Variants in ZNF451 observed in about 807,000 individuals in gnomAD.
ZNF451 encodes the protein zinc finger protein 451.
In ZNF451, 80 loss-of-function variants were observed where a neutral mutation model predicts 107.1. The ratio of observed to expected loss-of-function variants is 0.75; its 90% confidence interval spans 0.62 to 0.90. The LOEUF (loss-of-function observed/expected upper bound fraction) is 0.90, where lower values mean the gene tolerates loss of function less well. Ranked by LOEUF, ZNF451 falls within the 40% of genes least tolerant of loss-of-function variation. The pLI is 0.00. For missense variants in ZNF451, 1,107 were observed against 1,236.2 expected, an observed-to-expected ratio of 0.90 and a Z score of 1.57; for synonymous variants, 362 against 406.5, an observed-to-expected ratio of 0.89 and a Z score of 1.32.
At chr6:57,128,146 T>C (rs1181481530) in intron 4 of ZNF451, among the ~76,000 whole-genome samples, 1 of 152,214 alleles carries the variant, frequency 6.6e-6, no homozygotes, top group Non-Finnish European at 1.5e-5. Flanking sequence ...GTTATGTTAT[T>C]AATATTACTC....
intron 3 of ZNF451, chr6:57,102,396 C>T (rs1018650020): frequency 1.9e-6 from 2 of 1,058,720 alleles, no homozygotes; most frequent in African/African-American, 3.3e-5. Flanking sequence ...TCTGAATCCT[C>T]TTGTGATTAA....
At chr6:57,105,550 T>C (rs1319317075) in intron 3 of ZNF451, 2 of 985,342 alleles carry the variant, frequency 2.0e-6, no homozygotes, top group Non-Finnish European at 2.4e-6. Context: ...ATTTGTTTTC[T>C]TTATAGCACT....
intron 3 of ZNF451, chr6:57,108,904 C>A (rs181966711): frequency 3.0e-6 from 3 of 985,406 alleles, no homozygotes; most frequent in Admixed American, 6.1e-5. Context: ...TGGAACTGAG[C>A]TTTAAATATG....
At chr6:57,131,050 G>C (rs1831155771) in intron 5 of ZNF451, among the ~76,000 whole-genome samples, 1 of 152,098 alleles carries the variant, frequency 6.6e-6, no homozygotes, top group African/African-American at 2.4e-5. Flanking sequence ...GAATAGAGAG[G>C]AATCACAGTT....
intron 2 of ZNF451, among the ~76,000 whole-genome samples, chr6:57,091,932 T>G (rs949407727): frequency 7.2e-5 from 11 of 152,332 alleles, no homozygotes; most frequent in Non-Finnish European, 1.3e-4. Flanking sequence ...CACAAGATTG[T>G]TTTATTGAAT....
At chr6:57,140,655 A>G (rs1831708028) in intron 7 of ZNF451, among the ~76,000 whole-genome samples, 1 of 152,126 alleles carries the variant, frequency 6.6e-6, no homozygotes, top group Admixed American at 6.5e-5. Flanking sequence ...AGTGGGAAAA[A>G]AAAACCCAAA....
intron 3 of ZNF451, chr6:57,107,948 C>A: frequency 1.9e-6 from 1 of 539,288 alleles, no homozygotes; most frequent in Non-Finnish European, 2.4e-6. Context: ...ACGCCATTCT[C>A]CTGCCTAAGC....
chr6:57,155,178 CAAAAAACA>C lies in ZNF451; in HGVS notation c.3070+1146_3070+1153del, dbSNP rs564591961. 4.0e-3 allele frequency among the ~76,000 whole-genome samples: 600 copies of C among 151,476 alleles called. 6 individuals are homozygous for C. The highest frequency in any genetic ancestry group is 0.013 in the African/African-American group (546 of 41,320). ...TCTGTGGCTTTCTTTTTTCTTAAAACAAAAAACAAAAAAACAAAAAAAACAGGCTGGGT... is the reference window on the plus strand; with the variant it reads ...TCTGTGGCTTTCTTTTTTCTTAAAACAAAAAACAAAAAAAACAGGCTGGGT... On this transcript the variant is annotated intron_variant, in intron 13 of 14. Transcript: ENST00000370706.
chr6:57,101,150 A>T, intron 3 of ZNF451: 1 of 1,550,762 alleles, frequency 6.4e-7, no homozygotes, highest in Non-Finnish European at 8.7e-7. Context: ...CCATCAGCTG[A>T]TGACAAAGGG....
intron 3 of ZNF451, chr6:57,109,783 G>T: frequency 1.2e-6 from 1 of 856,586 alleles, no homozygotes; most frequent in Non-Finnish European, 1.4e-6. Flanking sequence ...TGTAGAATGA[G>T]GAGTTAGAGT....
intron 2 of ZNF451, among the ~76,000 whole-genome samples, chr6:57,095,969 G>A (rs1298601351): frequency 3.3e-5 from 5 of 151,506 alleles, no homozygotes; most frequent in African/African-American, 1.2e-4. Context: ...GATTACAGAT[G>A]TACACCACCA....
In ZNF451 at chr6:57,148,538, C is replaced by A; in HGVS notation, c.2453C>A (p.Pro818His). Residue 818 changes from proline to histidine, a missense_variant, in exon 10 of 15, where the codon CCC becomes CAC. Pro to His is a moderately conservative substitution (Grantham distance 77). Transcript: ENST00000370706. ...AGAAAACATTGCTTCTTACAGAAAC[C>A]CAGTGTGGCTCATTTTGGATCTGAA... The part of the protein sequence containing the change: ...FHRKHCFLQK[P>H]SVAHFGSEKS... 1 of 1,614,080 alleles carries A rather than the reference C, an allele frequency of 6.2e-7. No homozygotes were observed. The highest frequency in any genetic ancestry group is 1.3e-5 in the African/African-American group (1 of 75,022).
At chr6:57,103,120 C>T (rs1829685474) in intron 3 of ZNF451, 2 of 985,262 alleles carry the variant, frequency 2.0e-6, no homozygotes, top group Non-Finnish European at 2.4e-6. Flanking sequence ...GTTACACGAT[C>T]CAGGCATGCA....
At chr6:57,105,905 C>T (rs1364454646) in intron 3 of ZNF451, 2 of 984,154 alleles carry the variant, frequency 2.0e-6, no homozygotes, top group South Asian at 4.7e-5. Context: ...TTTTTTAAAC[C>T]GTGTGGCAGC....
intron 3 of ZNF451, among the ~76,000 whole-genome samples, chr6:57,119,023 G>C (rs1311806961): frequency 6.6e-6 from 1 of 152,084 alleles, no homozygotes; most frequent in African/African-American, 2.4e-5. Context: ...TACTGCAAAG[G>C]TGTAGCCTCA....
intron 13 of ZNF451, chr6:57,158,806 C>T: frequency 5.1e-6 from 5 of 985,364 alleles, no homozygotes; most frequent in Non-Finnish European, 6.0e-6. Flanking sequence ...TGTTTATAAG[C>T]CTGAGACTGT....
intron 13 of ZNF451, chr6:57,158,477 A>C (rs762596653): frequency 3.1e-6 from 3 of 983,414 alleles, no homozygotes; most frequent in Non-Finnish European, 3.6e-6. Flanking sequence ...TTTCTTTAGG[A>C]TCTTTTGTCT....
Position 57,108,858 on chromosome 6 carries a change from A to G in ZNF451, c.186+9717A>G, listed in dbSNP as rs1015700546. 20 of 985,330 alleles carry G rather than the reference A, an allele frequency of 2.0e-5. No homozygotes were observed. In the African/African-American group the frequency reaches 3.3e-4, roughly 16 times the overall value. The allele number at this position is 985,330 out of a possible 1,614,324, so 61.0% of individuals were successfully genotyped here. A position where few individuals can be genotyped will look rare whatever the true frequency, so the allele number is the denominator to read the frequency against. On this transcript the variant is annotated intron_variant, in intron 3 of 14. Transcript: ENST00000370706. Reference sequence around the variant, plus strand: ...TCTTATTTTGCAGAAGAAGAACTGAAACTTCATTAAGTCATTAAGCAACTT... The same window carrying G: ...TCTTATTTTGCAGAAGAAGAACTGAGACTTCATTAAGTCATTAAGCAACTT...
chr6:57,111,356 C>G (rs535093977), intron 3 of ZNF451, among the ~76,000 whole-genome samples: 2 of 148,284 alleles, frequency 1.3e-5, no homozygotes, highest in Non-Finnish European at 3.0e-5. Context: ...TTCAGAGTTA[C>G]TGTGGGGTTT....
Sources: allele counts gnomAD v4.1 joint callset (sites outside exome capture counted in the v4.1 genomes callset), GRCh38; gene constraint gnomAD v4.1.1; transcripts MANE v1.5; gene names NCBI Gene and HGNC (gene_info 2026-07-23, HGNC 2026-07-21).